The following PTPRN2 variants were observed in gnomAD, a reference collection of about 807,000 sequenced individuals.
PTPRN2 encodes the protein receptor-type tyrosine-protein phosphatase N2.
Under a neutral mutation model 118.8 loss-of-function variants are expected in PTPRN2, and 74 were observed. The ratio of observed to expected loss-of-function variants is 0.62; its 90% CI spans 0.52 to 0.76. The LOEUF is 0.76. Ranked by LOEUF, PTPRN2 falls within the 30% of genes least tolerant of loss-of-function variation. PTPRN2 has a pLI of 0.00. For missense variants in PTPRN2, 1,481 were observed against 1,394.4 expected (o/e 1.06, Z -0.99); for synonymous variants, 641 against 608.0 (o/e 1.05, Z -0.80).
intron 11 of PTPRN2, among the ~76,000 whole-genome samples, chr7:158,073,580 A>G (rs1450870512): frequency 1.3e-5 from 2 of 152,182 alleles, no homozygotes; most frequent in East Asian, 3.9e-4. Flanking sequence ...CTATGCGGAG[A>G]TGAAGCCGCT....
intron 3 of PTPRN2, among the ~76,000 whole-genome samples, chr7:158,263,166 TCACACACACTG>T (rs1797644248): frequency 6.9e-6 from 1 of 145,060 alleles, no homozygotes; most frequent in African/African-American, 2.6e-5. Context: ...AGTCACACAT[TCACACACACTG>T]CACACACATT....
intron 1 of PTPRN2, among the ~76,000 whole-genome samples, chr7:158,513,794 G>A (rs558639551): frequency 1.2e-4 from 19 of 152,290 alleles, no homozygotes; most frequent in African/African-American, 2.4e-4. Flanking sequence ...CATTTGTGCC[G>A]GGCAGCGGGA....
At chr7:158,559,725 G>A (rs1827258891) in intron 1 of PTPRN2, among the ~76,000 whole-genome samples, 1 of 152,166 alleles carries the variant, frequency 6.6e-6, no homozygotes, top group Non-Finnish European at 1.5e-5. Flanking sequence ...ATGGACACAG[G>A]CTGCCTCCCT....
At chr7:158,123,762 A>G (rs1817376371) in intron 9 of PTPRN2, among the ~76,000 whole-genome samples, 3 of 152,222 alleles carry the variant, frequency 2.0e-5, no homozygotes, top group African/African-American at 7.2e-5. Flanking sequence ...CTAGGTACGG[A>G]AGGTCTATAT....
intron 3 of PTPRN2, among the ~76,000 whole-genome samples, chr7:158,254,986 A>T (rs969529439): frequency 6.6e-6 from 1 of 152,244 alleles, no homozygotes; most frequent in African/African-American, 2.4e-5. Context: ...GCAGAAAAGG[A>T]GAAATTCATG....
chr7:157,747,293 T>C (rs13231673), intron 12 of PTPRN2, among the ~76,000 whole-genome samples: 132 of 45,030 alleles, frequency 2.9e-3, no homozygotes, highest in Admixed American at 0.013. Flanking sequence ...GGCCTGCGTC[T>C]CTGAGCTGTG....
rs577788798 is a variant in PTPRN2 at position 158,450,299 on chromosome 7, G to A, written c.163+39436C>T. On this transcript the variant is annotated intron_variant, in intron 2 of 22. Coordinates refer to ENST00000389418, the MANE Select transcript of PTPRN2 (RefSeq NM_002847.5). ...GGGGGTTTGGCCTTCTACACACTGAGTTCAATGAGACACATTCAGTCCATA... is the reference window on the plus strand; with the variant it reads ...GGGGGTTTGGCCTTCTACACACTGAATTCAATGAGACACATTCAGTCCATA... Among the ~76,000 whole-genome samples, 6 of 152,326 alleles carry A rather than the reference G, an allele frequency of 3.9e-5. No homozygotes were observed. In the East Asian group the frequency reaches 1.2e-3, roughly 29 times the overall value.
At chr7:157,549,497 T>C (rs145594909) in intron 21 of PTPRN2, among the ~76,000 whole-genome samples, 1 of 152,264 alleles carries the variant, frequency 6.6e-6, no homozygotes, top group African/African-American at 2.4e-5. Flanking sequence ...AGTTTTCTGC[T>C]TTTTAAACTC....
At chr7:158,249,241 C>A (rs1240751020) in intron 3 of PTPRN2, among the ~76,000 whole-genome samples, 1 of 151,954 alleles carries the variant, frequency 6.6e-6, no homozygotes, top group Admixed American at 6.6e-5. Context: ...ACGTATCTAC[C>A]ACACATCCTG....
intron 2 of PTPRN2, among the ~76,000 whole-genome samples, chr7:158,475,518 C>CAG (rs1820190044): frequency 6.6e-6 from 1 of 152,180 alleles, no homozygotes. Flanking sequence ...CGGGCCCACT[C>CAG]AGCAGAGGAA....
chr7:157,821,211 T>C (rs1412632544), intron 12 of PTPRN2, among the ~76,000 whole-genome samples: 2 of 152,172 alleles, frequency 1.3e-5, no homozygotes, highest in Non-Finnish European at 2.9e-5. Flanking sequence ...TGCTGTCCTC[T>C]CTCCTGAGAA....
Position 157,801,090 on chromosome 7 carries a change from CAT to C in PTPRN2, c.1788+97581_1788+97582del, listed in dbSNP as rs146997966. ...ACACATATATATACACACACACACACATATATATATGCACATATATATGAATA... is the reference window on the plus strand; with the variant it reads ...ACACATATATATACACACACACACACATATATATGCACATATATATGAATA... On this transcript the variant is annotated intron_variant, in intron 12 of 22. Coordinates refer to ENST00000389418, the MANE Select transcript of PTPRN2 (RefSeq NM_002847.5). The surrounding 1 kb of genome is among the most constrained non-coding windows in gnomAD (Gnocchi z 4.2). Among the ~76,000 whole-genome samples the C allele has an allele frequency of 4.0e-5, 6 of 150,084 alleles. No homozygotes were observed. The South Asian group carries it at 6.3e-4, about 16-fold the overall frequency.
rs1461587303 is a variant in PTPRN2 at position 158,526,914 on chromosome 7, A to C, written c.113-37129T>G. ...TTGTGGGGGTTTGTTAGGGAGACTGAGCCAATTCATACAGTGGATTCCGCC... is the reference window on the plus strand; with the variant it reads ...TTGTGGGGGTTTGTTAGGGAGACTGCGCCAATTCATACAGTGGATTCCGCC... On this transcript the variant is annotated intron_variant, in intron 1 of 22. Coordinates refer to ENST00000389418, the MANE Select transcript of PTPRN2 (RefSeq NM_002847.5). The surrounding 1 kb of genome is among the most constrained non-coding windows in gnomAD (Gnocchi z 5.2). Among the ~76,000 whole-genome samples the C allele has an allele frequency of 1.3e-5, 2 of 152,152 alleles. No individual in the cohort carries two copies. Among genetic ancestry groups the C allele is most frequent in the East Asian group, 3.9e-4 (2 of 5,184 alleles).
intron 1 of PTPRN2, among the ~76,000 whole-genome samples, chr7:158,505,989 T>C (rs961502598): frequency 2.0e-5 from 3 of 152,096 alleles, no homozygotes; most frequent in Non-Finnish European, 4.4e-5. Context: ...CCACCGCGCG[T>C]CCTCACATGT....
chr7:158,018,380 C>T (rs559882430), intron 11 of PTPRN2, among the ~76,000 whole-genome samples: 1 of 118,114 alleles, frequency 8.5e-6, no homozygotes, highest in African/African-American at 2.6e-5. Flanking sequence ...CGTGCATGCT[C>T]TGATGGAATT....
At chr7:158,524,583 G>C (rs2129448292) in intron 1 of PTPRN2, among the ~76,000 whole-genome samples, 1 of 152,264 alleles carries the variant, frequency 6.6e-6, no homozygotes, top group South Asian at 2.1e-4. Context: ...GATCGCTGAG[G>C]AGTGCGAGGA....
At chr7:157,981,111 C>A (rs1167978654) in intron 11 of PTPRN2, among the ~76,000 whole-genome samples, 4 of 152,250 alleles carry the variant, frequency 2.6e-5, no homozygotes, top group Admixed American at 2.0e-4. Flanking sequence ...TGCAGAAAGG[C>A]TCCTCATATA....
rs900255364 is a variant in PTPRN2, at chr7:157,615,119, C to T, written c.2344+6243G>A. 1.3e-5 allele frequency among the ~76,000 whole-genome samples: 2 copies of T among 152,334 alleles called. No individual in the cohort carries two copies. The highest frequency in any genetic ancestry group is 2.9e-5 in the Non-Finnish European group (2 of 68,028). On this transcript the variant is annotated intron_variant, in intron 15 of 22. Transcript: ENST00000389418. This position sits in a 1 kb window ranked among gnomAD's most constrained non-coding sequence, Gnocchi z 4.3. ...CCAGCCAGAAAATAAATGAAGTGCTCGCAGGTCACGCTAATACGGCCAACA... is the reference window on the plus strand; with the variant it reads ...CCAGCCAGAAAATAAATGAAGTGCTTGCAGGTCACGCTAATACGGCCAACA...
intron 2 of PTPRN2, among the ~76,000 whole-genome samples, chr7:158,422,925 A>C (rs1429571706): frequency 6.6e-6 from 1 of 152,248 alleles, no homozygotes; most frequent in Non-Finnish European, 1.5e-5. Context: ...AAGGCTTCAA[A>C]GCCACTGCAC....
Sources: allele counts gnomAD v4.1 joint callset (sites outside exome capture counted in the v4.1 genomes callset), GRCh38; gene constraint gnomAD v4.1.1; non-coding constraint Gnocchi (gnomAD v3.1); transcripts MANE v1.5; gene names NCBI Gene and HGNC (gene_info 2026-07-23, HGNC 2026-07-21).